TLK1: variants seen among roughly 807,000 people sequenced by gnomAD.
TLK1 encodes tousled like kinase 1.
TLK1 carries 24 observed loss-of-function variants against 105.3 expected under a neutral mutation model. That is an observed-to-expected ratio of 0.23 (90% CI 0.17 to 0.32). TLK1 has a LOEUF of 0.32. Among genes scored for constraint, TLK1 ranks in the 10% least tolerant of loss-of-function variants. TLK1 has a pLI of 1.00. For missense variants in TLK1, 558 were observed against 910.5 expected, an observed-to-expected ratio of 0.61 and a Z score of 4.98; for synonymous variants, 321 against 310.4, an observed-to-expected ratio of 1.03 and a Z score of -0.36.
At chr2:171,007,189 T>A (rs899566787) in intron 14 of TLK1, 126 bp from the exon 15 acceptor site, 3 of 664,526 alleles carry the variant, frequency 4.5e-6, no homozygotes, top group East Asian at 2.8e-5. Context: ...TTATTAATGA[T>A]CTTCTCTGCT....
In TLK1 at chr2:171,160,551, G is replaced by A; in HGVS notation, c.-123C>T. The A allele has an allele frequency of 6.5e-7, 1 of 1,533,086 alleles. No individual in the cohort carries two copies. Among genetic ancestry groups the A allele is most frequent in the Middle Eastern group, 2.4e-4 (1 of 4,234 alleles). The allele number at this position is 1,533,086 out of a possible 1,614,324, so 95.0% of individuals were successfully genotyped here. On this transcript the variant is annotated 5_prime_UTR_variant, in exon 1 of 21. Coordinates refer to ENST00000431350, the MANE Select transcript of TLK1 (RefSeq NM_012290.5). This position sits in a 1 kb window ranked among gnomAD's most constrained non-coding sequence, Gnocchi z 4.4. ...CGAGCGAGAGAGCGAGGGCTGGGAG[G>A]GGAGAGTCAAGGGGATGGGGGAGGA...
chr2:171,003,203 G>A (rs1286160744), intron 18 of TLK1, among the ~76,000 whole-genome samples: 1 of 147,598 alleles, frequency 6.8e-6, no homozygotes, highest in Non-Finnish European at 1.5e-5. Flanking sequence ...GGACCCGGGA[G>A]GCGGAGCTTG....
At chr2:171,151,260 C>A (rs1011298215) in intron 1 of TLK1, among the ~76,000 whole-genome samples, 4 of 152,042 alleles carry the variant, frequency 2.6e-5, no homozygotes, top group African/African-American at 9.7e-5. Context: ...CTCAAGCCAT[C>A]TGCCCACCTC....
chr2:171,062,041 G>C (rs1687776536), intron 3 of TLK1, among the ~76,000 whole-genome samples: 1 of 152,188 alleles, frequency 6.6e-6, no homozygotes, highest in African/African-American at 2.4e-5. Flanking sequence ...TGGTGGCTCT[G>C]GTTCCAAATG....
intron 1 of TLK1, among the ~76,000 whole-genome samples, chr2:171,167,393 G>A (rs1389533759): frequency 2.0e-5 from 3 of 152,140 alleles, no homozygotes; most frequent in Non-Finnish European, 4.4e-5. Flanking sequence ...GAGCTCTTAA[G>A]ATGCCTACCC....
At chr2:171,031,542 T>C (rs1026415292) in intron 11 of TLK1, among the ~76,000 whole-genome samples, 11 of 152,082 alleles carry the variant, frequency 7.2e-5, no homozygotes, top group Non-Finnish European at 4.4e-5. Flanking sequence ...TAGACTCATA[T>C]CTGATGATAG....
chr2:171,066,030 A>C (rs1180128729), intron 3 of TLK1, among the ~76,000 whole-genome samples: 1 of 152,228 alleles, frequency 6.6e-6, no homozygotes, highest in African/African-American at 2.4e-5. Context: ...CTATTTACAT[A>C]TAAACGTTAC....
intron 18 of TLK1, among the ~76,000 whole-genome samples, chr2:171,001,065 T>G (rs1187149863): frequency 6.6e-6 from 1 of 152,224 alleles, no homozygotes; most frequent in Non-Finnish European, 1.5e-5. Flanking sequence ...ACTGCCTCTG[T>G]CATAAATCCT....
At chr2:171,120,731 T>C (rs1032069579) in intron 1 of TLK1, among the ~76,000 whole-genome samples, 2 of 152,214 alleles carry the variant, frequency 1.3e-5, no homozygotes, top group Non-Finnish European at 2.9e-5. Context: ...CAAAACAGTA[T>C]AGCGGTTCCT....
At chr2:171,120,584 G>A (rs927371014) in intron 1 of TLK1, among the ~76,000 whole-genome samples, 1 of 152,114 alleles carries the variant, frequency 6.6e-6, no homozygotes, top group Non-Finnish European at 1.5e-5. Context: ...AAATCACGGT[G>A]AGACACCACT....
intron 3 of TLK1, among the ~76,000 whole-genome samples, chr2:171,068,979 T>C (rs1688134837): frequency 6.6e-6 from 1 of 152,150 alleles, no homozygotes. Flanking sequence ...GAAACAAAAT[T>C]TGTCAGTAAT....
chr2:171,044,611 C>T (rs2217153), intron 11 of TLK1, among the ~76,000 whole-genome samples: 146,135 of 152,146 alleles, frequency 0.96, 70,470 homozygotes, highest in East Asian at 1. Flanking sequence ...AGGATGTATA[C>T]GGTAACCGAA....
intron 14 of TLK1, among the ~76,000 whole-genome samples, chr2:171,007,312 T>TA (rs1684692781): frequency 6.6e-6 from 1 of 152,006 alleles, no homozygotes; most frequent in African/African-American, 2.4e-5. Flanking sequence ...TAAATGCCAA[T>TA]ATACTGAATA....
At chr2:171,141,265 T>G (rs1691562485) in intron 1 of TLK1, among the ~76,000 whole-genome samples, 1 of 152,220 alleles carries the variant, frequency 6.6e-6, no homozygotes, top group South Asian at 2.1e-4. Context: ...AACTTTCTAT[T>G]CTATTGATAG....
chr2:171,203,980 G>A (rs561946885), intron 1 of TLK1, among the ~76,000 whole-genome samples: 1 of 152,032 alleles, frequency 6.6e-6, no homozygotes, highest in African/African-American at 2.4e-5. Flanking sequence ...TGAACCGGTG[G>A]GGGGCAGAGC....
intron 1 of TLK1, among the ~76,000 whole-genome samples, chr2:171,136,676 A>G (rs1172674777): frequency 2.0e-5 from 3 of 152,248 alleles, no homozygotes; most frequent in Non-Finnish European, 4.4e-5. Flanking sequence ...TTGCATATGT[A>G]CAGAGCTAAC....
chr2:171,160,315 C>G lies in TLK1; in HGVS notation c.114G>C (p.Thr38=). Residue 38 remains threonine, a synonymous_variant, in exon 1 of 21, where the codon ACG becomes ACC. Coordinates refer to ENST00000431350, the MANE Select transcript of TLK1 (RefSeq NM_012290.5). This position sits in a 1 kb window ranked among gnomAD's most constrained non-coding sequence, Gnocchi z 4.4. Reference sequence around the variant, plus strand: ...CTTCCCTGGGCCTCCCGGATGGCGGCGTGTGATTCAGCAGGGACCTGGCCG... The same window carrying G: ...CTTCCCTGGGCCTCCCGGATGGCGGGGTGTGATTCAGCAGGGACCTGGCCG... ...AAAARSLLNH[T]PPSGRPREGA... The G allele has an allele frequency of 6.3e-7, 1 of 1,589,836 alleles. No individual in the cohort carries two copies. The highest frequency in any genetic ancestry group is 1.1e-5 in the South Asian group (1 of 88,676).
At chr2:171,184,256 C>G (rs1386574964) in intron 1 of TLK1, among the ~76,000 whole-genome samples, 1 of 152,120 alleles carries the variant, frequency 6.6e-6, no homozygotes, top group East Asian at 1.9e-4. Context: ...TTGATTTTAG[C>G]CCAGTAAGAT....
At chr2:171,043,473 T>C (rs922783356) in intron 11 of TLK1, among the ~76,000 whole-genome samples, 1 of 152,092 alleles carries the variant, frequency 6.6e-6, no homozygotes, top group South Asian at 2.1e-4. Flanking sequence ...CTGGAGAGCT[T>C]TGTTAGGGTT....
Sources: gnomAD v4.1 joint callset for allele counts (sites outside exome capture counted in the v4.1 genomes callset) on GRCh38, gnomAD v4.1.1 for gene constraint, Gnocchi (gnomAD v3.1) non-coding constraint, MANE v1.5 for transcripts, NCBI Gene and HGNC (gene_info 2026-07-23, HGNC 2026-07-21) for gene names.